Variants in VGLL4 observed in about 807,000 individuals in gnomAD.
VGLL4 encodes vestigial like family member 4, also known as transcription cofactor vestigial-like protein 4.
A neutral mutation model predicts 21.0 loss-of-function variants in VGLL4; 7 were observed. That is an observed-to-expected ratio of 0.33 (90% CI 0.19 to 0.63). VGLL4 has a LOEUF of 0.63. Among genes scored for constraint, VGLL4 ranks in the 20% least tolerant of loss-of-function variants. The pLI is 0.78. For synonymous variants in VGLL4, 222 were observed against 173.2 expected, an observed-to-expected ratio of 1.28 and a Z score of -2.21; for missense variants, 394 against 425.7, an observed-to-expected ratio of 0.93 and a Z score of 0.66.
chr3:11,630,539 G>T (rs1329208685), intron 1 of VGLL4, among the ~76,000 whole-genome samples: 2 of 152,116 alleles, frequency 1.3e-5, no homozygotes, highest in Non-Finnish European at 2.9e-5. Context: ...CCAGCTACTG[G>T]GGAGGGTGAG....
chr3:11,716,412 G>A (rs1368209605), intron 1 of VGLL4, among the ~76,000 whole-genome samples: 1 of 152,076 alleles, frequency 6.6e-6, no homozygotes, highest in Non-Finnish European at 1.5e-5. Flanking sequence ...GCAGGGTAGT[G>A]CCTTGTCTGA....
intron 1 of VGLL4, among the ~76,000 whole-genome samples, chr3:11,642,547 AAC>A (rs2075713932): frequency 6.6e-6 from 1 of 152,180 alleles, no homozygotes; most frequent in Admixed American, 6.5e-5. Flanking sequence ...TACAACAGAA[AAC>A]ACTCTTCCTG....
At chr3:11,618,850 G>A (rs2075212767) in intron 1 of VGLL4, among the ~76,000 whole-genome samples, 1 of 152,160 alleles carries the variant, frequency 6.6e-6, no homozygotes, top group Admixed American at 6.5e-5. Flanking sequence ...AAAATATTGG[G>A]GGATGGGGAT....
intron 2 of VGLL4, among the ~76,000 whole-genome samples, chr3:11,658,606 CAG>C (rs1260453144): frequency 1.6e-5 from 2 of 121,650 alleles, no homozygotes; most frequent in Non-Finnish European, 3.5e-5. Flanking sequence ...AGGAAGGACA[CAG>C]AGGAAACAGA....
intron 2 of VGLL4, among the ~76,000 whole-genome samples, chr3:11,673,053 G>C (rs1402659278): frequency 2.0e-5 from 3 of 152,118 alleles, no homozygotes. Context: ...TCAGCCCTCA[G>C]AGATCACCCA....
intron 1 of VGLL4, among the ~76,000 whole-genome samples, chr3:11,718,234 G>C (rs1251423916): frequency 6.6e-6 from 1 of 152,200 alleles, no homozygotes; most frequent in Non-Finnish European, 1.5e-5. Flanking sequence ...CACCGTGGGG[G>C]AGATGACTTT....
chr3:11,651,801 C>T (rs1281187714), intron 2 of VGLL4, among the ~76,000 whole-genome samples: 1 of 151,618 alleles, frequency 6.6e-6, no homozygotes, highest in Non-Finnish European at 1.5e-5. Flanking sequence ...AATAAGCTCC[C>T]TTTGTTGTTA....
chr3:11,671,073 G>T (rs1329071760), intron 2 of VGLL4, among the ~76,000 whole-genome samples: 1 of 152,194 alleles, frequency 6.6e-6, no homozygotes, highest in Non-Finnish European at 1.5e-5. Flanking sequence ...GCATTAAGGA[G>T]AGTCGACAGC....
rs187843368 is a variant in VGLL4 at position 11,582,546 on chromosome 3, A to G, written c.273-17527T>C. Among the ~76,000 whole-genome samples, 534 of 152,342 alleles carry G rather than the reference A, an allele frequency of 3.5e-3. 1 individual carries two copies. Among genetic ancestry groups the G allele is most frequent in the African/African-American group, 0.012 (515 of 41,578 alleles). Reference sequence around the variant, plus strand: ...TTTATTTATAGAGGGTGCCTTGCCAAAACGCTACACGCATCATTACAGTTC... The same window carrying G: ...TTTATTTATAGAGGGTGCCTTGCCAGAACGCTACACGCATCATTACAGTTC... On this transcript the variant is annotated intron_variant, in intron 2 of 4. Coordinates refer to ENST00000430365, the MANE Select transcript of VGLL4 (RefSeq NM_001128219.3).
At chr3:11,682,404 CAAAAA>C (rs34428676) in intron 2 of VGLL4, among the ~76,000 whole-genome samples, 2 of 62,188 alleles carry the variant, frequency 3.2e-5, no homozygotes, top group Non-Finnish European at 5.6e-5. Context: ...GACCCTGTCT[CAAAAA>C]AAAAAAAAAA....
At chr3:11,645,076 T>A (rs2075767648), upstream of VGLL4, among the ~76,000 whole-genome samples, 1 of 151,878 alleles carries the variant, frequency 6.6e-6, no homozygotes, top group African/African-American at 2.4e-5. Context: ...GGCTTAAACT[T>A]TGATTACCCA....
intron 1 of VGLL4, 99 bp downstream of exon 1, chr3:11,643,338 G>T (rs1299453679): frequency 1.1e-5 from 18 of 1,573,712 alleles, no homozygotes; most frequent in East Asian, 2.3e-5. Flanking sequence ...CCTACACCCC[G>T]GAGGAGGACA....
At chr3:11,603,483 C>T (rs1311279036) in intron 1 of VGLL4, among the ~76,000 whole-genome samples, 3 of 152,144 alleles carry the variant, frequency 2.0e-5, no homozygotes, top group Admixed American at 2.0e-4. Context: ...CATCTTTATA[C>T]CTTCATAAAT....
At chr3:11,592,023 T>TA (rs2074511313) in intron 2 of VGLL4, among the ~76,000 whole-genome samples, 2 of 152,242 alleles carry the variant, frequency 1.3e-5, no homozygotes, top group Non-Finnish European at 2.9e-5. Context: ...ACTTGTAAGA[T>TA]ACAGTATGAA....
intron 2 of VGLL4, chr3:11,671,539 GAA>G: frequency 3.4e-6 from 2 of 591,184 alleles, no homozygotes; most frequent in African/African-American, 1.9e-5. Flanking sequence ...CCACCTGTAT[GAA>G]AAGTCAAGGG....
At chr3:11,604,245 G>T in intron 1 of VGLL4, 2 of 423,490 alleles carry the variant, frequency 4.7e-6, no homozygotes, top group Non-Finnish European at 6.1e-6. Flanking sequence ...GCTTGCCGGC[G>T]CCGGAAGGAG....
chr3:11,631,938 T>C (rs528067284), intron 1 of VGLL4, among the ~76,000 whole-genome samples: 7 of 152,292 alleles, frequency 4.6e-5, no homozygotes, highest in African/African-American at 1.2e-4. Context: ...CGGAGTGCTG[T>C]AGTGTCTGTC....
intron 1 of VGLL4, among the ~76,000 whole-genome samples, chr3:11,628,848 C>G (rs948990196): frequency 6.6e-6 from 1 of 152,100 alleles, no homozygotes; most frequent in Non-Finnish European, 1.5e-5. Flanking sequence ...AAAAATCAAT[C>G]TCACTGCTAA....
upstream of VGLL4, among the ~76,000 whole-genome samples, chr3:11,647,737 G>A (rs75960477): frequency 0.018 from 2,689 of 151,824 alleles, 87 homozygotes; most frequent in African/African-American, 0.062. Flanking sequence ...TCACCTTTTC[G>A]AGGTCAGTCT....
Sources: gnomAD v4.1 joint callset for allele counts (sites outside exome capture counted in the v4.1 genomes callset) on GRCh38, gnomAD v4.1.1 for gene constraint, MANE v1.5 for transcripts, NCBI Gene and HGNC (gene_info 2026-07-23, HGNC 2026-07-21) for gene names.